FMR1NB: variants seen among roughly 807,000 people sequenced by gnomAD.
FMR1NB encodes the protein FMR1 neighbor protein.
FMR1NB carries 10 observed loss-of-function variants against 16.8 expected under a neutral mutation model. That is an observed-to-expected ratio of 0.60 (90% confidence interval 0.37 to 1.01). FMR1NB has a LOEUF of 1.01. Among genes scored for constraint, FMR1NB ranks in the 50% least tolerant of loss-of-function variants. The pLI, the probability that FMR1NB is intolerant of heterozygous loss-of-function variation, is 0.01. For missense variants in FMR1NB, 205 were observed against 204.8 expected (o/e 1.00, Z 0.00); for synonymous variants, 83 against 79.1 (o/e 1.05, Z -0.26).
intron 1 of FMR1NB, among the ~76,000 whole-genome samples, chrX:147,991,877 C>T: frequency 9.3e-6 from 1 of 107,044 alleles, no homozygotes; most frequent in Non-Finnish European, 1.9e-5. Context: ...AGCATGCTGC[C>T]TTCAAGCATC....
intron 1 of FMR1NB, among the ~76,000 whole-genome samples, chrX:148,001,137 T>C (rs1447892335): frequency 8.0e-5 from 9 of 111,881 alleles, no homozygotes; most frequent in Non-Finnish European, 1.7e-4. Flanking sequence ...TGGGAATAAA[T>C]GTACTAAGAA....
chrX:147,994,130 C>T (rs2044529769), intron 1 of FMR1NB, among the ~76,000 whole-genome samples: 1 of 111,507 alleles, frequency 9.0e-6, no homozygotes, highest in African/African-American at 3.3e-5. Flanking sequence ...GAGCTCCAGA[C>T]CCAAGCCCAA....
At chrX:147,992,320 C>T (rs1406387999) in intron 1 of FMR1NB, among the ~76,000 whole-genome samples, 6 of 81,810 alleles carry the variant, frequency 7.3e-5, no homozygotes, top group South Asian at 7.6e-4. Context: ...CCAGAGGGGG[C>T]GGCTGGCCGG....
At chrX:148,001,706 C>T (rs1429533929) in intron 1 of FMR1NB, among the ~76,000 whole-genome samples, 1 of 109,413 alleles carries the variant, frequency 9.1e-6, no homozygotes, top group African/African-American at 3.3e-5. Flanking sequence ...GCTGAGATTG[C>T]GCCATTGCAC....
chrX:147,992,326 G>A (rs1557187721), intron 1 of FMR1NB, among the ~76,000 whole-genome samples: 1 of 81,509 alleles, frequency 1.2e-5, no homozygotes. Context: ...GGGGCGGCTG[G>A]CCGGGCAGGG....
In FMR1NB at chrX:148,008,830, A is replaced by G. The variant is rs782765560; in HGVS notation, c.632+119A>G. 2.6e-4 allele frequency: 157 copies of G among 614,490 alleles called. 1 individual carries two copies. The South Asian group carries it at 4.8e-3, about 19-fold the overall frequency. The allele number at this position is 614,490 out of a possible 1,213,427, so 50.6% of individuals were successfully genotyped here. A position where few individuals can be genotyped will look rare whatever the true frequency, so the allele number is the denominator to read the frequency against. On this transcript the variant is annotated intron_variant, in intron 4 of 5. Coordinates refer to ENST00000370467, the MANE Select transcript of FMR1NB (RefSeq NM_152578.3). ...ATTATGTTTGGGTTCTTTATGTTGA[A>G]AATATGGTAGCTTGGGAAAGACCTA...
chrX:148,018,050 T>C (rs1349888225), intron 4 of FMR1NB, among the ~76,000 whole-genome samples: 1 of 107,716 alleles, frequency 9.3e-6, no homozygotes, highest in Non-Finnish European at 1.9e-5. Context: ...TTTGGGTATA[T>C]ACCCAGTAAT....
chrX:147,983,908 A>G (rs1178450910), intron 1 of FMR1NB, among the ~76,000 whole-genome samples: 1 of 111,045 alleles, frequency 9.0e-6, no homozygotes, highest in East Asian at 2.8e-4. Flanking sequence ...ATTTTGGCAT[A>G]TGGTGTATGT....
At chrX:147,982,759 T>A (rs2044456725) in intron 1 of FMR1NB, among the ~76,000 whole-genome samples, 1 of 109,573 alleles carries the variant, frequency 9.1e-6, no homozygotes, top group Admixed American at 9.7e-5. Flanking sequence ...CCAGGTGTGG[T>A]GGCAGGCGCC....
In FMR1NB at chrX:148,006,759, G is replaced by A; in HGVS notation, c.455G>A (p.Ser152Asn). 1 of 1,210,537 alleles carries A rather than the reference G, an allele frequency of 8.3e-7. No homozygotes were observed. The highest frequency in any genetic ancestry group is 1.1e-6 in the Non-Finnish European group (1 of 894,567). Residue 152 changes from serine (S) to asparagine (N), a missense_variant, in exon 3 of 6, where the codon AGT (serine) becomes AAT (asparagine). Physicochemically the swap from Ser to Asn is conservative, Grantham distance 46. Transcript: ENST00000370467. ...AKPCNELQDL[S>N]ESECLRHKCC... Reference sequence around the variant, plus strand: ...CCTTGTAATGAGCTGCAAGATCTTAGTGAGAGTGAATGTTTGAGACACAAA... The same window carrying A: ...CCTTGTAATGAGCTGCAAGATCTTAATGAGAGTGAATGTTTGAGACACAAA...
Position 147,994,935 on chromosome X carries a change from A to G in FMR1NB, c.278-8266A>G, listed in dbSNP as rs369360243. Among the ~76,000 whole-genome samples the G allele has an allele frequency of 6.2e-5, 7 of 112,494 alleles. No individual in the cohort carries two copies. In the East Asian group the frequency reaches 8.3e-4, roughly 13 times the overall value. Reference sequence around the variant, plus strand: ...CAAAAACAGTTGCAATTATAACCCCAATACCTTATTTGTGATCTTGTTTGG... The same window carrying G: ...CAAAAACAGTTGCAATTATAACCCCGATACCTTATTTGTGATCTTGTTTGG... On this transcript the variant is annotated intron_variant, in intron 1 of 5. Transcript: ENST00000370467.
intron 3 of FMR1NB, among the ~76,000 whole-genome samples, chrX:148,007,133 G>T (rs782273844): frequency 3.6e-5 from 4 of 112,067 alleles, no homozygotes; most frequent in Non-Finnish European, 7.5e-5. Context: ...AACCCTCAAT[G>T]GCTGAGAGAA....
At chrX:148,025,878 T>C (rs2044701192) in intron 5 of FMR1NB, 1 of 112,278 alleles carries the variant, frequency 8.9e-6, no homozygotes, top group Non-Finnish European at 1.9e-5. Context: ...CAGGAGACTC[T>C]GGCTTTAGTC....
At chrX:148,024,011 C>T (rs957088357) in intron 4 of FMR1NB, among the ~76,000 whole-genome samples, 1 of 111,587 alleles carries the variant, frequency 9.0e-6, no homozygotes. Context: ...GAAATAGTAC[C>T]TGCCTCATCA....
At chrX:148,021,026 C>T (rs781897151) in intron 4 of FMR1NB, among the ~76,000 whole-genome samples, 3 of 111,957 alleles carry the variant, frequency 2.7e-5, no homozygotes, top group Admixed American at 9.4e-5. Context: ...CCCCAGTGAA[C>T]TTTTGGCCCA....
At chrX:147,991,277 AAAT>A (rs782719023) in intron 1 of FMR1NB, among the ~76,000 whole-genome samples, 10 of 109,445 alleles carry the variant, frequency 9.1e-5, no homozygotes, top group Admixed American at 6.9e-4. Flanking sequence ...CTCCCTCATG[AAAT>A]AATAACCTCC....
At chrX:148,026,162 G>A (rs1253151452) in intron 5 of FMR1NB, 1 of 110,844 alleles carries the variant, frequency 9.0e-6, no homozygotes, top group Non-Finnish European at 1.9e-5. Context: ...TGCAATACAT[G>A]TGTGCATATG....
At chrX:148,023,243 A>T (rs1474429843) in intron 4 of FMR1NB, among the ~76,000 whole-genome samples, 2 of 111,612 alleles carry the variant, frequency 1.8e-5, no homozygotes, top group Non-Finnish European at 3.8e-5. Context: ...TATTTTTTTT[A>T]GACTGTAGGT....
chrX:147,998,459 T>TG (rs1422373904), intron 1 of FMR1NB, among the ~76,000 whole-genome samples: 2 of 109,125 alleles, frequency 1.8e-5, no homozygotes, highest in Non-Finnish European at 3.8e-5. Context: ...TGTCAGGGGG[T>TG]GGGGGGCTAG....
Sources: gnomAD v4.1 joint callset for allele counts (sites outside exome capture counted in the v4.1 genomes callset) on GRCh38, gnomAD v4.1.1 for gene constraint, MANE v1.5 for transcripts, NCBI Gene and HGNC (gene_info 2026-07-23, HGNC 2026-07-21) for gene names.